SLC6A5: variants seen among roughly 807,000 people sequenced by gnomAD.
SLC6A5 encodes the protein sodium- and chloride-dependent glycine transporter 2.
In SLC6A5, 58 loss-of-function variants were observed where a neutral mutation model predicts 90.5. The ratio of observed to expected loss-of-function variants is 0.64; its 90% confidence interval spans 0.52 to 0.80. The LOEUF is 0.80. Ranked by LOEUF, SLC6A5 falls within the 30% of genes least tolerant of loss-of-function variation. SLC6A5 has a pLI of 0.00. For synonymous variants in SLC6A5, 427 were observed against 401.4 expected (o/e 1.06, Z -0.76); for missense variants, 1,015 against 1,017.6 (o/e 1.00, Z 0.03).
chr11:20,614,049 C>T (rs1334221636), intron 5 of SLC6A5, among the ~76,000 whole-genome samples: 2 of 152,086 alleles, frequency 1.3e-5, no homozygotes. Flanking sequence ...CGGTAGACGG[C>T]GTGGTTGCTG....
chr11:20,626,291 A>G (rs1852992241), intron 7 of SLC6A5, among the ~76,000 whole-genome samples: 1 of 152,196 alleles, frequency 6.6e-6, no homozygotes, highest in Admixed American at 6.5e-5. Context: ...TCACTTAGGT[A>G]TGTGTATAAA....
chr11:20,634,975 A>G (rs1590173879), intron 10 of SLC6A5, among the ~76,000 whole-genome samples: 1 of 152,228 alleles, frequency 6.6e-6, no homozygotes, highest in South Asian at 2.1e-4. Context: ...CTTTGATTAC[A>G]GTAATCTTCC....
Position 20,658,087 on chromosome 11 carries a change from C to G in SLC6A5, c.*3219C>G, listed in dbSNP as rs1485148933. ...TTTAAAAAGAGTTTAACATGATGAC[C>G]TTTAAATGGATAGGACTTGGGTTGT... On this transcript the variant is annotated 3_prime_UTR_variant, in exon 16 of 16. Coordinates refer to ENST00000525748, the MANE Select transcript of SLC6A5 (RefSeq NM_004211.5). 2 of 152,132 alleles carry G rather than the reference C, an allele frequency of 1.3e-5. No homozygotes were observed. The highest frequency in any genetic ancestry group is 2.9e-5 in the Non-Finnish European group (2 of 68,026). 9.4% of individuals were successfully genotyped at this position (152,132 alleles called of 1,614,324 possible). A position where few individuals can be genotyped will look rare whatever the true frequency, so the allele number is the denominator to read the frequency against.
At chr11:20,605,208 G>C (rs1186541942) in intron 3 of SLC6A5, among the ~76,000 whole-genome samples, 1 of 152,150 alleles carries the variant, frequency 6.6e-6, no homozygotes, top group Non-Finnish European at 1.5e-5. Flanking sequence ...ATAGGAATTT[G>C]AACCTAGAGC....
intron 10 of SLC6A5, among the ~76,000 whole-genome samples, chr11:20,632,356 C>G (rs892621560): frequency 7.9e-5 from 12 of 152,168 alleles, no homozygotes; most frequent in Non-Finnish European, 1.5e-4. Context: ...ATTCTGAACT[C>G]TTTTCTGCTC....
At chr11:20,637,045 G>T in intron 11 of SLC6A5, 127 bp from the exon 12 acceptor site, 1 of 970,166 alleles carries the variant, frequency 1.0e-6, no homozygotes. Flanking sequence ...CCCATTGAGG[G>T]AATGCCATCC....
At position 20,655,213 on chromosome 11, in the gene SLC6A5, T is replaced by C. The variant is rs536980291; in HGVS notation, c.*345T>C. The C allele has an allele frequency of 8.2e-6, 3 of 366,356 alleles. No individual in the cohort carries two copies. Among genetic ancestry groups the C allele is most frequent in the African/African-American group, 4.2e-5 (2 of 47,388 alleles). 22.7% of individuals were successfully genotyped at this position (366,356 alleles called of 1,614,324 possible). The stretch of plus-strand genomic sequence containing the variant: ...GAGAGGTATCCACTGTGTGATGGCA[T>C]GGGGGGTGCCAGTAAGGCATGTATA... On this transcript the variant is annotated 3_prime_UTR_variant, in exon 16 of 16. Coordinates refer to ENST00000525748, the MANE Select transcript of SLC6A5 (RefSeq NM_004211.5).
rs533047187 is a variant in SLC6A5 at position 20,657,401 on chromosome 11, C to A, written c.*2533C>A. 1 of 152,038 alleles carries A rather than the reference C, an allele frequency of 6.6e-6. No individual in the cohort carries two copies. Among genetic ancestry groups the A allele is most frequent in the Non-Finnish European group, 1.5e-5 (1 of 68,026 alleles). 9.4% of individuals were successfully genotyped at this position (152,038 alleles called of 1,614,324 possible). On this transcript the variant is annotated 3_prime_UTR_variant, in exon 16 of 16. Transcript: ENST00000525748. ...GCTCCCTGAGCAGCTGTTTCCCCCC[C>A]ACCCCACTTCACTATAATTTCCAAG...
chr11:20,604,415 A>C lies in SLC6A5; in HGVS notation c.670A>C (p.Asn224His). The change falls in exon 3 of 16, where the codon AAC (asparagine) becomes CAC (histidine). Residue 224 changes from asparagine to histidine, a missense_variant. Asn to His is a moderately conservative substitution (Grantham distance 68, BLOSUM62 1). Coordinates refer to ENST00000525748, the MANE Select transcript of SLC6A5 (RefSeq NM_004211.5). Reference protein sequence around the residue: ...VWRFPYLAFQNGGGAFLIPYL... With the variant: ...VWRFPYLAFQHGGGAFLIPYL... ...GAGGTTTCCCTACCTGGCCTTCCAG[A>C]ACGGGGGAGGTATGGCTTTTCCGCT... The C allele has an allele frequency of 6.2e-7, 1 of 1,613,806 alleles. No individual in the cohort carries two copies. Among genetic ancestry groups the C allele is most frequent in the Non-Finnish European group, 8.5e-7 (1 of 1,179,884 alleles).
chr11:20,645,253 A>T (rs1157647503), intron 13 of SLC6A5, among the ~76,000 whole-genome samples: 1 of 152,096 alleles, frequency 6.6e-6, no homozygotes, highest in Admixed American at 6.5e-5. Context: ...AGTAGAGGGC[A>T]CGCATTGAAA....
intron 2 of SLC6A5, among the ~76,000 whole-genome samples, chr11:20,602,957 C>T (rs977223029): frequency 6.6e-6 from 1 of 152,200 alleles, no homozygotes; most frequent in African/African-American, 2.4e-5. Context: ...CCACCCTTTG[C>T]AGCCCTGGAA....
chr11:20,621,951 G>T (rs980628786), intron 7 of SLC6A5, among the ~76,000 whole-genome samples: 13 of 152,212 alleles, frequency 8.5e-5, no homozygotes. Context: ...CTCTGCCTGA[G>T]AGTTGTGGCA....
At chr11:20,621,549 T>A (rs1412275403) in intron 7 of SLC6A5, among the ~76,000 whole-genome samples, 2 of 152,220 alleles carry the variant, frequency 1.3e-5, no homozygotes, top group Non-Finnish European at 2.9e-5. Flanking sequence ...AGATCAATGA[T>A]CAATTTTTAT....
rs1368998812 is a variant in SLC6A5, at chr11:20,657,181, C to T, written c.*2313C>T. The T allele has an allele frequency of 2.0e-5, 3 of 150,732 alleles. No homozygotes were observed. Among genetic ancestry groups the T allele is most frequent in the Non-Finnish European group, 2.9e-5 (2 of 67,920 alleles). The allele number at this position is 150,732 out of a possible 1,614,324, so 9.3% of individuals were successfully genotyped here. A position where few individuals can be genotyped will look rare whatever the true frequency, so the allele number is the denominator to read the frequency against. On this transcript the variant is annotated 3_prime_UTR_variant, in exon 16 of 16. Coordinates refer to ENST00000525748, the MANE Select transcript of SLC6A5 (RefSeq NM_004211.5). ...CTGATGCTGGACGCCAACCCAATTT[C>T]TGCTAATTATTGCTTTTGTGATTAA...
At chr11:20,622,178 A>G (rs546888085) in intron 7 of SLC6A5, among the ~76,000 whole-genome samples, 3 of 152,224 alleles carry the variant, frequency 2.0e-5, no homozygotes, top group Non-Finnish European at 4.4e-5. Flanking sequence ...CTCCCCTGAC[A>G]CAGGGGAACT....
At chr11:20,614,478 A>C (rs564179905) in intron 5 of SLC6A5, among the ~76,000 whole-genome samples, 1 of 152,324 alleles carries the variant, frequency 6.6e-6, no homozygotes, top group South Asian at 2.1e-4. Context: ...AGTTGTGGGG[A>C]CTGGGGGCTC....
chr11:20,648,425 T>C (rs1617769), intron 14 of SLC6A5, among the ~76,000 whole-genome samples: 131,799 of 152,112 alleles, frequency 0.87, 57,239 homozygotes, highest in East Asian at 0.99. Context: ...TGCGTTGACA[T>C]GAACATCATA....
chr11:20,617,246 A>G (rs4923462), intron 6 of SLC6A5, among the ~76,000 whole-genome samples: 16,084 of 152,196 alleles, frequency 0.11, 1,955 homozygotes, highest in East Asian at 0.36. Flanking sequence ...CTCAGGACAT[A>G]CCCACACAAC....
intron 15 of SLC6A5, 53 bp from the exon 16 acceptor site, chr11:20,654,660 G>C: frequency 6.3e-7 from 1 of 1,598,422 alleles, no homozygotes; most frequent in East Asian, 2.2e-5. Context: ...TCGTCCCCAG[G>C]TGAGGAAGGT....
Sources: allele counts gnomAD v4.1 joint callset (sites outside exome capture counted in the v4.1 genomes callset), GRCh38; gene constraint gnomAD v4.1.1; transcripts MANE v1.5; gene names NCBI Gene and HGNC (gene_info 2026-07-23, HGNC 2026-07-21).